The following FNDC3B variants were observed in gnomAD, a reference collection of about 807,000 sequenced individuals.
FNDC3B encodes the protein fibronectin type III domain-containing protein 3B.
In FNDC3B, 12 loss-of-function variants were observed where a neutral mutation model predicts 151.5. The observed-to-expected ratio is 0.08, with a 90% CI of 0.05 to 0.13. FNDC3B has a LOEUF of 0.13. Ranked by LOEUF, FNDC3B falls within the 10% of genes least tolerant of loss-of-function variation. The pLI is 1.00. For synonymous variants in FNDC3B, 528 were observed against 549.0 expected (o/e 0.96, Z 0.54); for missense variants, 1,214 against 1,505.3 (o/e 0.81, Z 3.20).
chr3:172,349,676 G>T (rs1347990469), intron 21 of FNDC3B, among the ~76,000 whole-genome samples: 1 of 151,608 alleles, frequency 6.6e-6, no homozygotes, highest in Non-Finnish European at 1.5e-5. Context: ...TTTTTTTTGA[G>T]ATGGAGTCAC....
intron 6 of FNDC3B, among the ~76,000 whole-genome samples, chr3:172,275,823 G>GT (rs1729406478): frequency 6.6e-6 from 1 of 150,644 alleles, no homozygotes; most frequent in Non-Finnish European, 1.5e-5. Flanking sequence ...TTGATTATCT[G>GT]GTTTTTTTTT....
At chr3:172,190,747 C>T (rs1157692006) in intron 3 of FNDC3B, among the ~76,000 whole-genome samples, 2 of 152,232 alleles carry the variant, frequency 1.3e-5, no homozygotes, top group Admixed American at 6.5e-5. Flanking sequence ...TGGCTCACCG[C>T]AACCTCCACC....
chr3:172,066,671 G>T (rs1456906004), intron 1 of FNDC3B, among the ~76,000 whole-genome samples: 1 of 152,148 alleles, frequency 6.6e-6, no homozygotes, highest in Non-Finnish European at 1.5e-5. Flanking sequence ...TACTCTTGTG[G>T]TTACTGAGTA....
chr3:172,373,979 G>C (rs1007510373), intron 23 of FNDC3B, among the ~76,000 whole-genome samples: 1 of 152,184 alleles, frequency 6.6e-6, no homozygotes, highest in Admixed American at 6.5e-5. Context: ...TTCATGCTAG[G>C]GTTTACCAGA....
chr3:172,181,615 G>A (rs1281638537), intron 3 of FNDC3B, among the ~76,000 whole-genome samples: 1 of 151,538 alleles, frequency 6.6e-6, no homozygotes, highest in Non-Finnish European at 1.5e-5. Context: ...CATATCACGA[G>A]GTCACAAGAT....
At chr3:172,117,880 A>T (rs73880104) in intron 2 of FNDC3B, among the ~76,000 whole-genome samples, 3,594 of 152,310 alleles carry the variant, frequency 0.024, 137 homozygotes, top group African/African-American at 0.082. Context: ...TTCTTCAGAA[A>T]GTAGAACTCC....
rs879363297 is a variant in FNDC3B at position 172,397,665 on chromosome 3, ATT to A, written c.*200_*201del. On this transcript the variant is annotated 3_prime_UTR_variant, in exon 26 of 26. Coordinates refer to ENST00000415807, the MANE Select transcript of FNDC3B (RefSeq NM_022763.4). ...CAAAACTAGGAAAAGGTTAAACTGG[ATT>A]TTTTTTTTTAAAAAAAAGAAAAAAA... The A allele has an allele frequency of 3.9e-3, 1,094 of 279,540 alleles. 8 individuals are homozygous for A. Among genetic ancestry groups the A allele is most frequent in the East Asian group, 0.017 (314 of 18,580 alleles). The allele number at this position is 279,540 out of a possible 1,614,324, so 17.3% of individuals were successfully genotyped here. A position where few individuals can be genotyped will look rare whatever the true frequency, so the allele number is the denominator to read the frequency against.
At chr3:172,164,779 A>G (rs971023045) in intron 3 of FNDC3B, among the ~76,000 whole-genome samples, 5 of 152,216 alleles carry the variant, frequency 3.3e-5, no homozygotes, top group Non-Finnish European at 1.5e-5. Context: ...AAAAGAAATA[A>G]CTACAAGTAA....
Position 172,375,661 on chromosome 3 carries a change from TGATG to T in FNDC3B, c.3009-2607_3009-2604del, listed in dbSNP as rs1317830612. 3.7e-3 allele frequency among the ~76,000 whole-genome samples: 571 copies of T among 152,312 alleles called. 1 individual carries two copies. The highest frequency in any genetic ancestry group is 0.013 in the African/African-American group (546 of 41,562). ...GGGGAAGGCAGGCCAGTCAAAGCAG[TGATG>T]GCTTTGATCAGAGCAACGAGCAGAT... On this transcript the variant is annotated intron_variant, in intron 23 of 25. Coordinates refer to ENST00000415807, the MANE Select transcript of FNDC3B (RefSeq NM_022763.4).
At chr3:172,380,415 A>G (rs1198035948) in intron 24 of FNDC3B, among the ~76,000 whole-genome samples, 1 of 152,152 alleles carries the variant, frequency 6.6e-6, no homozygotes, top group East Asian at 1.9e-4. Context: ...AATGCTGCCC[A>G]TTCCCCAGGA....
rs548890283 is a variant in FNDC3B, at chr3:172,086,474, T to C, written c.-28-25978T>C. On this transcript the variant is annotated intron_variant, in intron 1 of 25. Coordinates refer to ENST00000415807, the MANE Select transcript of FNDC3B (RefSeq NM_022763.4). ...CCATGTTTAATGTGGAAATGTGACTTGTGTTTTGTTATTATATGGATAAAT... is the reference window on the plus strand; with the variant it reads ...CCATGTTTAATGTGGAAATGTGACTCGTGTTTTGTTATTATATGGATAAAT... Among the ~76,000 whole-genome samples the C allele has an allele frequency of 2.0e-5, 3 of 152,276 alleles. No individual in the cohort carries two copies. The South Asian group carries it at 6.2e-4, about 32-fold the overall frequency.
At chr3:172,235,197 G>A (rs1312432659) in intron 4 of FNDC3B, among the ~76,000 whole-genome samples, 1 of 152,042 alleles carries the variant, frequency 6.6e-6, no homozygotes, top group Non-Finnish European at 1.5e-5. Flanking sequence ...TAATTTTGAA[G>A]TTGTGATTAT....
intron 3 of FNDC3B, among the ~76,000 whole-genome samples, chr3:172,216,300 T>A (rs1232500201): frequency 6.6e-6 from 1 of 152,172 alleles, no homozygotes; most frequent in South Asian, 2.1e-4. Flanking sequence ...AGCCTATCTT[T>A]GGATTACCTG....
chr3:172,143,378 CTT>C (rs1721726366), intron 3 of FNDC3B, among the ~76,000 whole-genome samples: 1 of 152,012 alleles, frequency 6.6e-6, no homozygotes, highest in African/African-American at 2.4e-5. Context: ...CTTTTAATAA[CTT>C]TATTTTGGGG....
At chr3:172,072,525 A>G (rs1380550254) in intron 1 of FNDC3B, among the ~76,000 whole-genome samples, 1 of 152,180 alleles carries the variant, frequency 6.6e-6, no homozygotes, top group Non-Finnish European at 1.5e-5. Flanking sequence ...TTGATCACCA[A>G]CCTGGGAAAT....
intron 8 of FNDC3B, among the ~76,000 whole-genome samples, chr3:172,296,419 C>G (rs1411886078): frequency 6.6e-6 from 1 of 152,210 alleles, no homozygotes; most frequent in African/African-American, 2.4e-5. Context: ...GTTAAGGACT[C>G]AAGCCCTGTG....
At chr3:172,395,986 GT>G (rs1736256590) in intron 25 of FNDC3B, among the ~76,000 whole-genome samples, 1 of 152,144 alleles carries the variant, frequency 6.6e-6, no homozygotes, top group South Asian at 2.1e-4. Context: ...TGAGAAAACT[GT>G]TTCTTGTGAA....
At chr3:172,227,270 G>T (rs1726639218) in intron 4 of FNDC3B, 1 of 207,054 alleles carries the variant, frequency 4.8e-6, no homozygotes, top group Admixed American at 5.5e-5. Context: ...CTTTCTGGAA[G>T]AAAATTCATA....
intron 3 of FNDC3B, among the ~76,000 whole-genome samples, chr3:172,167,392 T>G (rs778325221): frequency 2.6e-5 from 4 of 152,168 alleles, no homozygotes; most frequent in Admixed American, 2.0e-4. Context: ...TGAGACTGTC[T>G]CAAAAAGAAT....
Sources: allele counts gnomAD v4.1 joint callset (sites outside exome capture counted in the v4.1 genomes callset), GRCh38; gene constraint gnomAD v4.1.1; transcripts MANE v1.5; gene names NCBI Gene and HGNC (gene_info 2026-07-23, HGNC 2026-07-21).